NCOA6: variants seen among roughly 807,000 people sequenced by gnomAD.
NCOA6 encodes the protein NRC RAP250.
Under a neutral mutation model 171.4 loss-of-function variants are expected in NCOA6, and 49 were observed. The observed-to-expected ratio is 0.29, with a 90% confidence interval of 0.23 to 0.36. NCOA6 has a LOEUF of 0.36. Ranked by LOEUF, NCOA6 falls within the 10% of genes least tolerant of loss-of-function variation. NCOA6 has a pLI of 1.00. For missense variants in NCOA6, 2,248 were observed against 2,554.5 expected (o/e 0.88, Z 2.59); for synonymous variants, 910 against 927.5 (o/e 0.98, Z 0.34).
At chr20:34,803,371 G>C (rs2078320807) in intron 1 of NCOA6, among the ~76,000 whole-genome samples, 1 of 151,656 alleles carries the variant, frequency 6.6e-6, no homozygotes, top group African/African-American at 2.4e-5. Context: ...GGGAGACTGA[G>C]GCAGGAGAAT....
At chr20:34,790,676 G>A (rs977950154) in intron 2 of NCOA6, among the ~76,000 whole-genome samples, 2 of 150,222 alleles carry the variant, frequency 1.3e-5, no homozygotes, top group African/African-American at 4.9e-5. Flanking sequence ...TTGAGACGGA[G>A]TCTGGCTCTG....
Position 34,727,286 on chromosome 20 carries a change from G to A in NCOA6, c.6121C>T (p.Pro2041Ser). 2 of 1,614,212 alleles carry A rather than the reference G, an allele frequency of 1.2e-6. No homozygotes were observed. Among genetic ancestry groups the A allele is most frequent in the Non-Finnish European group, 8.5e-7 (1 of 1,180,032 alleles). The change falls in exon 14 of 15, where the codon CCT (proline) becomes TCT (serine). Residue 2041 changes from proline to serine, a missense_variant. Around this residue, in one of 7 missense-constraint regions of NCOA6, gnomAD observed 884 missense variants for 941.9 expected, o/e 0.94. Coordinates refer to ENST00000359003, the MANE Select transcript of NCOA6 (RefSeq NM_014071.5). Reference sequence around the variant, plus strand: ...TTAGTAGAGCTGGAGGCTGAAGCAGGTCGAGAAGATCGTTTACGATGTCCA... The same window carrying A: ...TTAGTAGAGCTGGAGGCTGAAGCAGATCGAGAAGATCGTTTACGATGTCCA... ...ENGHRKRSSR[P>S]ASASSSTKDI...
chr20:34,812,597 G>T (rs569894887), intron 1 of NCOA6, among the ~76,000 whole-genome samples: 1 of 151,932 alleles, frequency 6.6e-6, no homozygotes, highest in Admixed American at 6.5e-5. Flanking sequence ...ATTATAAACC[G>T]TAAGTCAGAG....
chr20:34,774,821 G>A (rs2077257561), intron 4 of NCOA6, among the ~76,000 whole-genome samples: 1 of 152,156 alleles, frequency 6.6e-6, no homozygotes, highest in Admixed American at 6.5e-5. Flanking sequence ...TAACAATAAG[G>A]ACAATATTTA....
At chr20:34,766,501 G>A (rs973998737) in intron 5 of NCOA6, among the ~76,000 whole-genome samples, 1 of 151,992 alleles carries the variant, frequency 6.6e-6, no homozygotes, top group Non-Finnish European at 1.5e-5. Flanking sequence ...GGTAGTGCAC[G>A]CCTGTAGTCC....
At chr20:34,739,842 T>A (rs568492964) in intron 11 of NCOA6, among the ~76,000 whole-genome samples, 1 of 152,312 alleles carries the variant, frequency 6.6e-6, no homozygotes, top group Admixed American at 6.5e-5. Context: ...TTTCAGGAAC[T>A]CTTTGTTTTG....
intron 2 of NCOA6, among the ~76,000 whole-genome samples, chr20:34,792,069 A>G (rs935547047): frequency 8.5e-5 from 13 of 152,220 alleles, no homozygotes; most frequent in Non-Finnish European, 1.9e-4. Flanking sequence ...TAAATACAGC[A>G]TCAAACTAGA....
At chr20:34,773,651 G>A (rs1000611605) in intron 4 of NCOA6, among the ~76,000 whole-genome samples, 31 of 152,288 alleles carry the variant, frequency 2.0e-4, no homozygotes, top group African/African-American at 6.3e-4. Context: ...AGCCTCCCGA[G>A]TAGCTGGGAC....
At chr20:34,793,326 C>A (rs1053000088) in intron 1 of NCOA6, among the ~76,000 whole-genome samples, 9 of 152,150 alleles carry the variant, frequency 5.9e-5, no homozygotes, top group African/African-American at 2.2e-4. Context: ...GCTTTTCTAA[C>A]AGGATTTCAA....
chr20:34,754,743 T>C lies in NCOA6; in HGVS notation c.1654A>G (p.Asn552Asp), dbSNP rs987575349. The change falls in exon 8 of 15, where the codon AAT becomes GAT. Residue 552 changes from asparagine to aspartate, a missense_variant. Around this residue, in one of 7 missense-constraint regions of NCOA6, gnomAD observed 987 missense variants for 1,104.7 expected, o/e 0.89. Coordinates refer to ENST00000359003, the MANE Select transcript of NCOA6 (RefSeq NM_014071.5). ...GNSGAPQLQA[N>D]QNVQHAGGQG... is the part of the protein sequence containing the mutation. ...AAACCTGCATGCTGGACATTTTGAT[T>C]TGCTTGCAGCTGAGGGGCTCCTGAA... 4 of 1,614,080 alleles carry C rather than the reference T, an allele frequency of 2.5e-6. No homozygotes were observed. The highest frequency in any genetic ancestry group is 2.7e-5 in the African/African-American group (2 of 74,936).
intron 1 of NCOA6, chr20:34,809,609 TA>T (rs1453795714): frequency 5.1e-6 from 2 of 394,464 alleles, no homozygotes; most frequent in Non-Finnish European, 8.9e-6. Context: ...CTATTCAAAA[TA>T]AATTTTTGTG....
intron 5 of NCOA6, among the ~76,000 whole-genome samples, chr20:34,766,409 G>T (rs890059268): frequency 1.3e-5 from 2 of 152,008 alleles, no homozygotes; most frequent in African/African-American, 2.4e-5. Flanking sequence ...TTGAGCCCAG[G>T]AGTTCAACCA....
chr20:34,743,384 A>C (rs1277741685), intron 10 of NCOA6, 43 bp from the exon 11 acceptor site: 6 of 1,553,054 alleles, frequency 3.9e-6, no homozygotes, highest in Non-Finnish European at 5.2e-6. Flanking sequence ...ATTTTTCAGC[A>C]AGAAAATGTT....
At chr20:34,775,023 G>A (rs987996067) in intron 4 of NCOA6, among the ~76,000 whole-genome samples, 1 of 152,180 alleles carries the variant, frequency 6.6e-6, no homozygotes, top group African/African-American at 2.4e-5. Flanking sequence ...GATACTTGAA[G>A]GCTGAGCAGG....
intron 5 of NCOA6, 136 bp downstream of exon 5, chr20:34,768,328 G>A: frequency 8.5e-7 from 1 of 1,180,046 alleles, no homozygotes; most frequent in Non-Finnish European, 1.2e-6. Flanking sequence ...AAGGACTCAT[G>A]TCTAGCTTTC....
rs1451129518 is a variant in NCOA6 at position 34,749,940 on chromosome 20, T to G, written c.2255A>C (p.Gln752Pro). 6.2e-7 allele frequency: 1 copy of G among 1,614,222 alleles called. No individual in the cohort carries two copies. The highest frequency in any genetic ancestry group is 2.2e-5 in the East Asian group (1 of 44,884). Residue 752 changes from glutamine (Q) to proline (P), a missense_variant, in exon 9 of 15, where the codon CAA becomes CCA. Physicochemically the swap from Gln to Pro is moderately conservative, Grantham distance 76. Around this residue, in one of 7 missense-constraint regions of NCOA6, gnomAD observed 987 missense variants for 1,104.7 expected, o/e 0.89. Transcript: ENST00000359003. Reference sequence around the variant, plus strand: ...TCCCGTAAACTGCACCATATTTCCTTGCATGTTTGGAGTTGGTCCCCTCAT... The same window carrying G: ...TCCCGTAAACTGCACCATATTTCCTGGCATGTTTGGAGTTGGTCCCCTCAT... ...QIMRGPTPNMQGNMVQFTGQM... is the reference protein window; with the variant it reads ...QIMRGPTPNMPGNMVQFTGQM...
chr20:34,728,267 AT>A (rs1201814058), intron 13 of NCOA6, among the ~76,000 whole-genome samples: 1 of 152,194 alleles, frequency 6.6e-6, no homozygotes, highest in Admixed American at 6.5e-5. Flanking sequence ...TGCTAGGTAT[AT>A]TGATTGTCCA....
intron 3 of NCOA6, among the ~76,000 whole-genome samples, chr20:34,777,743 T>C (rs1423232034): frequency 2.0e-5 from 3 of 152,184 alleles, no homozygotes; most frequent in Non-Finnish European, 4.4e-5. Flanking sequence ...GCAGCAATTC[T>C]ACCTCGGAGT....
intron 14 of NCOA6, among the ~76,000 whole-genome samples, chr20:34,719,067 T>C (rs1222399455): frequency 1.3e-5 from 2 of 152,046 alleles, no homozygotes; most frequent in Non-Finnish European, 2.9e-5. Context: ...AAGAACTGGG[T>C]CAATAATAGT....
Sources: gnomAD v4.1 joint callset for allele counts (sites outside exome capture counted in the v4.1 genomes callset) on GRCh38, gnomAD v4.1.1 for gene constraint, gnomAD v4.1.1 regional missense constraint, MANE v1.5 for transcripts, NCBI Gene and HGNC (gene_info 2026-07-23, HGNC 2026-07-21) for gene names.